Variants in C8orf34 observed in about 807,000 individuals in gnomAD.
The protein encoded by C8orf34 is uncharacterized protein C8orf34.
A neutral mutation model predicts 68.3 loss-of-function variants in C8orf34; 65 were observed. The observed-to-expected ratio is 0.95, with a 90% CI of 0.78 to 1.17. The LOEUF is 1.17. C8orf34 is among the 50% of genes most tolerant of loss of function. C8orf34 has a pLI of 0.00. For missense variants in C8orf34, 664 were observed against 655.4 expected (o/e 1.01, Z -0.14); for synonymous variants, 244 against 241.2 (o/e 1.01, Z -0.11).
chr8:68,729,515 C>T (rs947499357), intron 10 of C8orf34, among the ~76,000 whole-genome samples: 3 of 152,172 alleles, frequency 2.0e-5, no homozygotes, highest in African/African-American at 7.2e-5. Context: ...CTTGGAGATT[C>T]ATTCCTCTAT....
At chr8:68,614,462 T>C (rs1307791899) in intron 7 of C8orf34, among the ~76,000 whole-genome samples, 1 of 152,186 alleles carries the variant, frequency 6.6e-6, no homozygotes, top group Admixed American at 6.5e-5. Flanking sequence ...GAATTAATTT[T>C]TGTATAAGGT....
intron 8 of C8orf34, among the ~76,000 whole-genome samples, chr8:68,666,153 G>A (rs187117944): frequency 6.6e-6 from 1 of 152,272 alleles, no homozygotes; most frequent in Admixed American, 6.5e-5. Context: ...CAAGCTGTAA[G>A]TAGCAGGGGG....
chr8:68,790,055 G>A (rs984271144), intron 12 of C8orf34, among the ~76,000 whole-genome samples: 1 of 152,186 alleles, frequency 6.6e-6, no homozygotes, highest in Non-Finnish European at 1.5e-5. Flanking sequence ...ATCTGGAAAT[G>A]GAATGCTAGT....
intron 7 of C8orf34, among the ~76,000 whole-genome samples, chr8:68,544,466 T>G (rs1370839128): frequency 6.6e-6 from 1 of 152,112 alleles, no homozygotes; most frequent in East Asian, 1.9e-4. Flanking sequence ...TGTCCATAAT[T>G]TAATTCCTGA....
chr8:68,672,217 A>T (rs771324014), intron 8 of C8orf34, among the ~76,000 whole-genome samples: 5 of 152,170 alleles, frequency 3.3e-5, no homozygotes, highest in Non-Finnish European at 5.9e-5. Context: ...AGATGGTTGA[A>T]TATAAGCCTC....
At chr8:68,753,261 T>G (rs1822757105) in intron 10 of C8orf34, among the ~76,000 whole-genome samples, 1 of 152,196 alleles carries the variant, frequency 6.6e-6, no homozygotes, top group African/African-American at 2.4e-5. Context: ...AATACACAAC[T>G]TGACCCTGCT....
At chr8:68,730,252 T>C (rs1227855310) in intron 10 of C8orf34, among the ~76,000 whole-genome samples, 1 of 152,176 alleles carries the variant, frequency 6.6e-6, no homozygotes, top group Non-Finnish European at 1.5e-5. Context: ...TGGCGGCTAA[T>C]TGTAGCAATG....
At chr8:68,473,300 C>G (rs1256461645) in intron 4 of C8orf34, among the ~76,000 whole-genome samples, 3 of 152,140 alleles carry the variant, frequency 2.0e-5, no homozygotes, top group Non-Finnish European at 2.9e-5. Flanking sequence ...TGGTATCTGA[C>G]TTACATAGGG....
chr8:68,706,905 G>A (rs1387328139), intron 8 of C8orf34, among the ~76,000 whole-genome samples: 1 of 152,118 alleles, frequency 6.6e-6, no homozygotes, highest in Non-Finnish European at 1.5e-5. Context: ...TAGAGAAAAG[G>A]GATGTGATAT....
chr8:68,532,390 T>C (rs1213377345), intron 6 of C8orf34, among the ~76,000 whole-genome samples: 1 of 152,172 alleles, frequency 6.6e-6, no homozygotes, highest in Non-Finnish European at 1.5e-5. Context: ...GTCTGCTGAA[T>C]GTGGTACAAT....
intron 7 of C8orf34, among the ~76,000 whole-genome samples, chr8:68,586,456 C>T (rs909607764): frequency 2.6e-5 from 4 of 152,144 alleles, no homozygotes; most frequent in African/African-American, 9.7e-5. Flanking sequence ...CTTAAGCCAT[C>T]TCTCTACTTT....
intron 4 of C8orf34, among the ~76,000 whole-genome samples, chr8:68,472,210 G>C (rs971977484): frequency 6.6e-6 from 1 of 152,148 alleles, no homozygotes; most frequent in African/African-American, 2.4e-5. Flanking sequence ...AGTAGGCATA[G>C]TGGGTTTTTG....
At chr8:68,707,451 A>G (rs1056900625) in intron 8 of C8orf34, among the ~76,000 whole-genome samples, 1 of 152,212 alleles carries the variant, frequency 6.6e-6, no homozygotes, top group South Asian at 2.1e-4. Context: ...GAGCATATTA[A>G]TAAGTGCTAA....
intron 12 of C8orf34, among the ~76,000 whole-genome samples, chr8:68,815,615 C>T (rs1824786608): frequency 6.6e-6 from 1 of 152,048 alleles, no homozygotes; most frequent in Non-Finnish European, 1.5e-5. Context: ...CATACATATC[C>T]AGAACACTAT....
intron 7 of C8orf34, among the ~76,000 whole-genome samples, chr8:68,542,198 A>C (rs1815725409): frequency 6.6e-6 from 1 of 152,208 alleles, no homozygotes. Context: ...TCCAACTTAC[A>C]GTGGGAATGG....
rs192244534 is a variant in C8orf34, at chr8:68,816,721, T to A, written c.1609+776T>A. Among the ~76,000 whole-genome samples, 207 of 152,328 alleles carry A rather than the reference T, an allele frequency of 1.4e-3. 1 individual carries two copies. Among genetic ancestry groups the A allele is most frequent in the African/African-American group, 4.8e-3 (199 of 41,568 alleles). On this transcript the variant is annotated intron_variant, in intron 13 of 13. Transcript: ENST00000518698. Reference sequence around the variant, plus strand: ...TGCATTAGGACATTATCTAAATAAATAATTTCTTCAATGTACTATGATATA... The same window carrying A: ...TGCATTAGGACATTATCTAAATAAAAAATTTCTTCAATGTACTATGATATA...
intron 8 of C8orf34, among the ~76,000 whole-genome samples, chr8:68,697,203 TC>T (rs1820860313): frequency 6.6e-6 from 1 of 152,066 alleles, no homozygotes; most frequent in Non-Finnish European, 1.5e-5. Context: ...TCTTGATATT[TC>T]CTTTTATTTG....
chr8:68,459,995 C>G (rs993842221), intron 3 of C8orf34, among the ~76,000 whole-genome samples: 20 of 152,182 alleles, frequency 1.3e-4, no homozygotes, highest in African/African-American at 4.8e-4. Context: ...GGCATTGCCT[C>G]ACTCGGGAAA....
chr8:68,503,686 CTT>C (rs538748605), intron 5 of C8orf34, among the ~76,000 whole-genome samples: 6 of 135,170 alleles, frequency 4.4e-5, no homozygotes, highest in Non-Finnish European at 9.7e-5. Context: ...TTTTCTTTTT[CTT>C]TTTTTTTTTT....
Sources: allele counts gnomAD v4.1 joint callset (sites outside exome capture counted in the v4.1 genomes callset), GRCh38; gene constraint gnomAD v4.1.1; transcripts MANE v1.5; gene names NCBI Gene and HGNC (gene_info 2026-07-23, HGNC 2026-07-21).